The following TMPRSS11F variants were observed in gnomAD, a reference collection of about 807,000 sequenced individuals.
The protein encoded by TMPRSS11F is transmembrane protease serine 11F.
TMPRSS11F carries 47 observed loss-of-function variants against 60.2 expected under a neutral mutation model. That is an observed-to-expected ratio of 0.78 (90% CI 0.62 to 1.00). The LOEUF is 1.00. Among genes scored for constraint, TMPRSS11F ranks in the 50% least tolerant of loss-of-function variants. The pLI is 0.00. For missense variants in TMPRSS11F, 519 were observed against 522.9 expected (o/e 0.99, Z 0.07); for synonymous variants, 166 against 167.3 (o/e 0.99, Z 0.06).
chr4:68,072,447 T>C lies in TMPRSS11F; in HGVS notation c.390A>G (p.Ile130Met). 1 of 1,590,816 alleles carries C rather than the reference T, an allele frequency of 6.3e-7. No homozygotes were observed. The highest frequency in any genetic ancestry group is 8.6e-7 in the Non-Finnish European group (1 of 1,166,246). ...CACTATCAGTAGATGGGTATCGAAATATGAGCACTATAAGAATATCCACAC... is the reference window on the plus strand; with the variant it reads ...CACTATCAGTAGATGGGTATCGAAACATGAGCACTATAAGAATATCCACAC... ...EQGVDILIVL[I>M]FRYPSTDSAE... Residue 130 changes from isoleucine (I) to methionine (M), a missense_variant, in exon 5 of 10, where the codon ATA (isoleucine) becomes ATG (methionine). Physicochemically the swap from Ile to Met is conservative, Grantham distance 10 (BLOSUM62 1). Transcript: ENST00000356291.
At position 68,064,788 on chromosome 4, in the gene TMPRSS11F, C is replaced by G; in HGVS notation, c.912G>C (p.Glu304Asp). 1.2e-6 allele frequency: 2 copies of G among 1,614,172 alleles called. No individual in the cohort carries two copies. Among genetic ancestry groups the G allele is most frequent in the Non-Finnish European group, 1.7e-6 (2 of 1,179,996 alleles). Reference sequence around the variant, plus strand: ...AAACTCTCTGGACTATATTTGAAAACTCAACTCCAGTAGAGAGCTGAACCA... The same window carrying G: ...AAACTCTCTGGACTATATTTGAAAAGTCAACTCCAGTAGAGAGCTGAACCA... Reference protein sequence around the residue: ...IALVQLSTGVEFSNIVQRVCL... With the variant: ...IALVQLSTGVDFSNIVQRVCL... Residue 304 changes from glutamate to aspartate, a missense_variant, in exon 8 of 10, where the codon GAG becomes GAC. Physicochemically the swap from Glu to Asp is conservative, Grantham distance 45. Transcript: ENST00000356291.
intron 1 of TMPRSS11F, among the ~76,000 whole-genome samples, chr4:68,100,043 CAAA>C (rs75779257): frequency 2.3e-5 from 2 of 88,500 alleles, no homozygotes; most frequent in African/African-American, 4.3e-5. Context: ...CTCACCAGGT[CAAA>C]AAAAAAAAAA....
chr4:68,100,023 G>A (rs1435671738), intron 1 of TMPRSS11F, among the ~76,000 whole-genome samples: 1 of 148,140 alleles, frequency 6.8e-6, no homozygotes, highest in Non-Finnish European at 1.5e-5. Context: ...ACAACTTTGA[G>A]GAATAAAAGC....
At chr4:68,055,330 A>G (rs2109823679) in intron 9 of TMPRSS11F, among the ~76,000 whole-genome samples, 1 of 152,254 alleles carries the variant, frequency 6.6e-6, no homozygotes, top group African/African-American at 2.4e-5. Flanking sequence ...TCTGGCTCTT[A>G]TTTGACTAAC....
At chr4:68,064,538 A>T (rs1351747561) in intron 8 of TMPRSS11F, 147 bp downstream of exon 8, 3 of 917,712 alleles carry the variant, frequency 3.3e-6, no homozygotes, top group Middle Eastern at 2.5e-4. Context: ...TTACTTTTTA[A>T]CCCACAGTCT....
At position 68,101,913 on chromosome 4, in the gene TMPRSS11F, ATGT is replaced by A. The variant is rs368917420; in HGVS notation, c.12-2878_12-2876del. On this transcript the variant is annotated intron_variant, in intron 1 of 9. Transcript: ENST00000356291. The stretch of plus-strand genomic sequence containing the variant: ...TACAATTTTATTACCTATAGTCCTC[ATGT>A]TGTACATTAGATCTCCAGACTTTCC... 1.2e-4 allele frequency among the ~76,000 whole-genome samples: 18 copies of A among 152,228 alleles called. No individual in the cohort carries two copies. The East Asian group carries it at 1.9e-3, about 16-fold the overall frequency.
At chr4:68,113,435 T>A (rs926257640) in intron 1 of TMPRSS11F, among the ~76,000 whole-genome samples, 1 of 147,524 alleles carries the variant, frequency 6.8e-6, no homozygotes, top group African/African-American at 2.5e-5. Context: ...AAATGCAATA[T>A]CCGTGAAGTG....
chr4:68,126,774 T>C (rs998776400), intron 1 of TMPRSS11F, among the ~76,000 whole-genome samples: 6 of 152,198 alleles, frequency 3.9e-5, no homozygotes, highest in African/African-American at 1.4e-4. Context: ...AATAGAAGTA[T>C]ACACAATGTG....
At chr4:68,068,876 C>T in intron 6 of TMPRSS11F, 57 bp from the exon 7 acceptor site, 1 of 1,573,506 alleles carries the variant, frequency 6.4e-7, no homozygotes, top group Non-Finnish European at 8.7e-7. Context: ...AAAGTATATT[C>T]TGATTTGCTT....
intron 1 of TMPRSS11F, among the ~76,000 whole-genome samples, chr4:68,125,190 TA>T (rs1724693503): frequency 6.6e-6 from 1 of 151,520 alleles, no homozygotes; most frequent in Admixed American, 6.6e-5. Flanking sequence ...TTATACTGTA[TA>T]TTTTTATGTT....
At chr4:68,060,036 G>A (rs1263207962) in intron 8 of TMPRSS11F, among the ~76,000 whole-genome samples, 1 of 152,134 alleles carries the variant, frequency 6.6e-6, no homozygotes, top group Admixed American at 6.5e-5. Context: ...CTGCACAGTT[G>A]AATATCGAAA....
At chr4:68,105,598 T>C (rs887689059) in intron 1 of TMPRSS11F, among the ~76,000 whole-genome samples, 3 of 152,206 alleles carry the variant, frequency 2.0e-5, no homozygotes, top group Non-Finnish European at 4.4e-5. Context: ...GTCCTGTTTC[T>C]TTCAATCCCT....
chr4:68,066,224 T>G (rs1194246954), intron 7 of TMPRSS11F, among the ~76,000 whole-genome samples: 2 of 151,928 alleles, frequency 1.3e-5, no homozygotes, highest in African/African-American at 4.8e-5. Flanking sequence ...ATCTTAGGAC[T>G]AACTGAAGCA....
intron 2 of TMPRSS11F, among the ~76,000 whole-genome samples, chr4:68,097,119 C>T (rs1477160181): frequency 1.3e-5 from 2 of 152,186 alleles, no homozygotes; most frequent in Non-Finnish European, 2.9e-5. Flanking sequence ...TATCTGCAGT[C>T]AGGAAAGACT....
At chr4:68,121,016 A>G (rs1271538301) in intron 1 of TMPRSS11F, among the ~76,000 whole-genome samples, 1 of 152,168 alleles carries the variant, frequency 6.6e-6, no homozygotes, top group Non-Finnish European at 1.5e-5. Flanking sequence ...CACTATTGTG[A>G]TATTCACTTT....
chr4:68,068,459 G>T (rs1168024944), intron 7 of TMPRSS11F, among the ~76,000 whole-genome samples, 159 bp downstream of exon 7: 2 of 152,162 alleles, frequency 1.3e-5, no homozygotes, highest in Non-Finnish European at 2.9e-5. Flanking sequence ...AACCATCATA[G>T]ATAGGGCATA....
intron 8 of TMPRSS11F, chr4:68,062,692 CACAG>C: frequency 1.3e-6 from 1 of 750,928 alleles, no homozygotes; most frequent in South Asian, 1.3e-5. Flanking sequence ...TTTTGTTATA[CACAG>C]ACAGCATGAG....
At chr4:68,120,289 A>T (rs937888493) in intron 1 of TMPRSS11F, among the ~76,000 whole-genome samples, 1 of 152,154 alleles carries the variant, frequency 6.6e-6, no homozygotes, top group African/African-American at 2.4e-5. Context: ...AAGCAGTGGC[A>T]GAGTTTCAGA....
chr4:68,105,404 G>T (rs1724285864), intron 1 of TMPRSS11F, among the ~76,000 whole-genome samples: 1 of 151,988 alleles, frequency 6.6e-6, no homozygotes, highest in Non-Finnish European at 1.5e-5. Flanking sequence ...ACTAGTGATG[G>T]GTTTTTATGA....
Sources: gnomAD v4.1 joint callset for allele counts (sites outside exome capture counted in the v4.1 genomes callset) on GRCh38, gnomAD v4.1.1 for gene constraint, MANE v1.5 for transcripts, NCBI Gene and HGNC (gene_info 2026-07-23, HGNC 2026-07-21) for gene names.